STT3B: variants seen among roughly 807,000 people sequenced by gnomAD.
STT3B encodes STT3 oligosaccharyltransferase complex catalytic subunit B.
In STT3B, 29 loss-of-function variants were observed where a neutral mutation model predicts 96.8. That is an observed-to-expected ratio of 0.30 (90% CI 0.22 to 0.41). The LOEUF (loss-of-function observed/expected upper bound fraction) is 0.41, where lower values mean the gene tolerates loss of function less well. Among genes scored for constraint, STT3B ranks in the 10% least tolerant of loss-of-function variants. The pLI is 1.00. For missense variants in STT3B, 640 were observed against 1,022.3 expected, an observed-to-expected ratio of 0.63 and a Z score of 5.10; for synonymous variants, 367 against 360.0, an observed-to-expected ratio of 1.02 and a Z score of -0.22.
At chr3:31,618,050 A>G in intron 8 of STT3B, 62 bp downstream of exon 8, 4 of 1,167,860 alleles carry the variant, frequency 3.4e-6, no homozygotes, top group Non-Finnish European at 5.2e-6. Context: ...CTTTGTTTTT[A>G]TCTGTTTTGT....
At chr3:31,540,301 T>C (rs893741644) in intron 1 of STT3B, among the ~76,000 whole-genome samples, 4 of 152,154 alleles carry the variant, frequency 2.6e-5, no homozygotes, top group Non-Finnish European at 4.4e-5. Flanking sequence ...GCAGTATAAA[T>C]TTTAAAACTT....
chr3:31,617,309 A>G (rs1326120407), intron 7 of STT3B, among the ~76,000 whole-genome samples: 2 of 151,232 alleles, frequency 1.3e-5, no homozygotes, highest in Non-Finnish European at 3.0e-5. Context: ...AAAAAAAATC[A>G]GAGCTTCTGT....
chr3:31,611,416 A>G (rs1699177069), intron 5 of STT3B, among the ~76,000 whole-genome samples: 1 of 152,236 alleles, frequency 6.6e-6, no homozygotes, highest in Non-Finnish European at 1.5e-5. Flanking sequence ...CATAAATTGA[A>G]GAGGTAATTT....
chr3:31,589,286 T>G (rs1158900988), intron 3 of STT3B, among the ~76,000 whole-genome samples: 2 of 152,102 alleles, frequency 1.3e-5, no homozygotes, highest in African/African-American at 4.8e-5. Flanking sequence ...TTTCATGTAT[T>G]AACCTTGTAT....
chr3:31,582,364 C>T (rs1364128412), intron 3 of STT3B, among the ~76,000 whole-genome samples: 4 of 147,826 alleles, frequency 2.7e-5, no homozygotes, highest in African/African-American at 5.0e-5. Context: ...GTGGCGCAGT[C>T]GGCTCGCTGC....
intron 5 of STT3B, among the ~76,000 whole-genome samples, chr3:31,606,560 G>T (rs948225541): frequency 3.3e-5 from 5 of 152,228 alleles, no homozygotes; most frequent in African/African-American, 1.2e-4. Context: ...TGTTGAGCTT[G>T]CAGGTGCACA....
chr3:31,596,470 C>T (rs1698793893), intron 3 of STT3B, among the ~76,000 whole-genome samples: 1 of 151,964 alleles, frequency 6.6e-6, no homozygotes, highest in African/African-American at 2.4e-5. Context: ...AGGAGGTGGC[C>T]ATGGTGACCT....
At position 31,617,064 on chromosome 3, in the gene STT3B, T is replaced by G; in HGVS notation, c.1112T>G (p.Leu371Trp). ...GCTGTGTTCCTTAGTGTCATCTATT[T>G]GACTTATACAGGTACGTGTTATCAC... ...AGAVFLSVIY[L>W]TYTGYIAPWS... The change falls in exon 7 of 16, where the codon TTG (leucine) becomes TGG (tryptophan). Residue 371 changes from leucine to tryptophan, a missense_variant. By Grantham distance (61) the Leu-to-Trp change is moderately conservative. Transcript: ENST00000295770. 1 of 1,606,162 alleles carries G rather than the reference T, an allele frequency of 6.2e-7. No individual in the cohort carries two copies. The highest frequency in any genetic ancestry group is 8.5e-7 in the Non-Finnish European group (1 of 1,174,420).
At chr3:31,539,794 A>G (rs769654314) in intron 1 of STT3B, among the ~76,000 whole-genome samples, 5 of 152,144 alleles carry the variant, frequency 3.3e-5, no homozygotes, top group Admixed American at 6.5e-5. Flanking sequence ...GATCAAATCC[A>G]ACTGAATATT....
chr3:31,553,190 T>G (rs1697613927), intron 1 of STT3B, among the ~76,000 whole-genome samples: 1 of 152,132 alleles, frequency 6.6e-6, no homozygotes, highest in Non-Finnish European at 1.5e-5. Context: ...TGGTAACTAT[T>G]TTGGAGAACT....
intron 3 of STT3B, among the ~76,000 whole-genome samples, chr3:31,582,993 C>T (rs972978292): frequency 6.6e-6 from 1 of 152,214 alleles, no homozygotes; most frequent in African/African-American, 2.4e-5. Context: ...CCCATGTGTA[C>T]TTGAGAAGAA....
intron 1 of STT3B, among the ~76,000 whole-genome samples, chr3:31,562,765 G>A (rs1192675985): frequency 6.6e-6 from 1 of 152,214 alleles, no homozygotes; most frequent in Non-Finnish European, 1.5e-5. Flanking sequence ...CTCTGCTGGG[G>A]TGGGCAGTAT....
At chr3:31,547,468 A>G (rs1447202538) in intron 1 of STT3B, among the ~76,000 whole-genome samples, 1 of 152,080 alleles carries the variant, frequency 6.6e-6, no homozygotes, top group African/African-American at 2.4e-5. Flanking sequence ...AATATGGTGA[A>G]ACCCCGTCTC....
In STT3B at chr3:31,533,150, C is replaced by G. The variant is rs1575399242; in HGVS notation, c.152C>G (p.Pro51Arg). The change falls in exon 1 of 16, where the codon CCG becomes CGG. Residue 51 changes from proline (P) to arginine (R), a missense_variant. Physicochemically the swap from Pro to Arg is moderately radical, Grantham distance 103 (BLOSUM62 -2). Around this residue, in one of 8 missense-constraint regions of STT3B, gnomAD observed 89 missense variants for 81.7 expected, o/e 1.09. Transcript: ENST00000295770. ...AAGGCGGCGGGCGGCGCGGCGCCGC[C>G]GAAGCCGGCCCCGGCGGGGCTGTCC... The part of the protein sequence containing the change: ...AHKAAGGAAP[P>R]KPAPAGLSGG... 1 of 1,294,318 alleles carries G rather than the reference C, an allele frequency of 7.7e-7. No homozygotes were observed. The allele number at this position is 1,294,318 out of a possible 1,614,324, so 80.2% of individuals were successfully genotyped here.
Position 31,623,704 on chromosome 3 carries a change from C to A in STT3B, c.1570C>A (p.Gln524Lys), listed in dbSNP as rs1413376821. Residue 524 changes from glutamine to lysine, a missense_variant, in exon 11 of 16, where the codon CAG (glutamine) becomes AAG (lysine). Around this residue, in one of 8 missense-constraint regions of STT3B, gnomAD observed 149 missense variants for 250.2 expected, o/e 0.60. Transcript: ENST00000295770. Reference protein sequence around the residue: ...AGKVRKHATEQEKTEEGLGPN... With the variant: ...AGKVRKHATEKEKTEEGLGPN... ...TAAAGTGAGGAAACATGCAACTGAA[C>A]AGGAAAAAACTGAAGAGGGATTAGG... is the stretch of plus-strand genomic sequence containing the variant. The A allele has an allele frequency of 6.2e-7, 1 of 1,612,444 alleles. No individual in the cohort carries two copies. The highest frequency in any genetic ancestry group is 1.3e-5 in the African/African-American group (1 of 74,904).
intron 1 of STT3B, among the ~76,000 whole-genome samples, chr3:31,572,301 C>T (rs1260622075): frequency 6.7e-6 from 1 of 149,246 alleles, no homozygotes; most frequent in Non-Finnish European, 1.5e-5. Flanking sequence ...AGGCCCCAAA[C>T]AAACTTCTGT....
At chr3:31,598,913 G>A (rs1179046977) in intron 4 of STT3B, among the ~76,000 whole-genome samples, 1 of 151,766 alleles carries the variant, frequency 6.6e-6, no homozygotes, top group South Asian at 2.1e-4. Context: ...GGGTTCAAGC[G>A]ATTCTCCTGC....
intron 1 of STT3B, among the ~76,000 whole-genome samples, chr3:31,541,464 C>CTT (rs1318453174): frequency 8.4e-6 from 1 of 118,684 alleles, no homozygotes; most frequent in Admixed American, 8.0e-5. Context: ...CTTTTTTTTT[C>CTT]TTTTTTTGTT....
intron 3 of STT3B, among the ~76,000 whole-genome samples, chr3:31,581,222 G>C (rs2125454300): frequency 6.6e-6 from 1 of 152,142 alleles, no homozygotes; most frequent in Non-Finnish European, 1.5e-5. Flanking sequence ...TGTGATAATG[G>C]GTTTTCCTGA....
Sources: allele counts gnomAD v4.1 joint callset (sites outside exome capture counted in the v4.1 genomes callset), GRCh38; gene constraint gnomAD v4.1.1; regional missense constraint gnomAD v4.1.1; transcripts MANE v1.5; gene names NCBI Gene and HGNC (gene_info 2026-07-23, HGNC 2026-07-21).